CCL28: variants seen among roughly 807,000 people sequenced by gnomAD.
CCL28 encodes C-C motif chemokine ligand 28.
Under a neutral mutation model 7.1 loss-of-function variants are expected in CCL28, and 4 were observed. The ratio of observed to expected loss-of-function variants is 0.56; its 90% CI spans 0.28 to 1.29. CCL28 has a LOEUF of 1.29. Ranked by LOEUF, CCL28 falls within the 50% of genes most tolerant of loss-of-function variation. CCL28 has a pLI of 0.11. For synonymous variants in CCL28, 55 were observed against 57.8 expected, an observed-to-expected ratio of 0.95 and a Z score of 0.22; for missense variants, 151 against 163.4, an observed-to-expected ratio of 0.92 and a Z score of 0.41.
chr5:43,395,855 C>CTTTT (rs35785846), intron 1 of CCL28, among the ~76,000 whole-genome samples: 62 of 94,238 alleles, frequency 6.6e-4, no homozygotes, highest in African/African-American at 9.2e-4. Context: ...TACCCCCCGC[C>CTTTT]TTTTTTTTTT....
At chr5:43,371,314 G>A in the CCL28 span, among the ~76,000 whole-genome samples, 2 of 152,120 alleles carry the variant, frequency 1.3e-5, no homozygotes, top group African/African-American at 4.8e-5. Context: ...GAAACGTGTG[G>A]AATGGATGAT....
At chr5:43,400,596 C>T (rs1031230530) in intron 1 of CCL28, among the ~76,000 whole-genome samples, 2 of 152,070 alleles carry the variant, frequency 1.3e-5, no homozygotes, top group African/African-American at 4.8e-5. Context: ...CCCAGAGCCA[C>T]AACAATGGCA....
intron 1 of CCL28, among the ~76,000 whole-genome samples, chr5:43,405,265 A>T (rs572705617): frequency 7.2e-5 from 11 of 152,360 alleles, no homozygotes; most frequent in African/African-American, 2.6e-4. Context: ...CTGCTCTGCA[A>T]ATGTAAAAGA....
At chr5:43,385,341 A>G (rs1034039390) in intron 2 of CCL28, among the ~76,000 whole-genome samples, 1 of 152,232 alleles carries the variant, frequency 6.6e-6, no homozygotes, top group Admixed American at 6.5e-5. Context: ...AAAACATAGG[A>G]CCTATTTCTA....
At chr5:43,382,842 G>T (rs1044647516) in intron 2 of CCL28, among the ~76,000 whole-genome samples, 10 of 151,928 alleles carry the variant, frequency 6.6e-5, no homozygotes, top group African/African-American at 2.4e-4. Context: ...TGGTGAGATG[G>T]AGTTTTGCTC....
intron 1 of CCL28, among the ~76,000 whole-genome samples, chr5:43,406,491 C>G (rs548231615): frequency 6.6e-6 from 1 of 152,226 alleles, no homozygotes. Flanking sequence ...ATTGATGGGA[C>G]GTATCTCCAA....
chr5:43,407,856 A>AAGACATTTCTGAAAAGT (rs1741357422), intron 1 of CCL28, among the ~76,000 whole-genome samples: 1 of 152,258 alleles, frequency 6.6e-6, no homozygotes, highest in African/African-American at 2.4e-5. Flanking sequence ...TTCTGAAAAG[A>AAGACATTTCTGAAAAGT]AGACATTTAT....
intron 1 of CCL28, among the ~76,000 whole-genome samples, chr5:43,401,007 T>C (rs921517082): frequency 4.7e-5 from 7 of 148,148 alleles, no homozygotes; most frequent in East Asian, 2.0e-4. Context: ...CACTTGAACC[T>C]GGGAGGCAGA....
chr5:43,402,501 G>A (rs989488701), intron 1 of CCL28, among the ~76,000 whole-genome samples: 7 of 152,224 alleles, frequency 4.6e-5, no homozygotes, highest in Non-Finnish European at 1.0e-4. Flanking sequence ...AAGACAATAT[G>A]TAGATTGTGA....
At chr5:43,361,989 G>A in the CCL28 span, among the ~76,000 whole-genome samples, 255 of 151,822 alleles carry the variant, frequency 1.7e-3, no homozygotes, top group Non-Finnish European at 2.7e-3. Context: ...GCTCTTTTTC[G>A]GTTCCATATG....
the CCL28 span, among the ~76,000 whole-genome samples, chr5:43,366,624 C>T: frequency 2.0e-4 from 31 of 152,194 alleles, no homozygotes; most frequent in Non-Finnish European, 4.4e-4. Flanking sequence ...GCATGGGGGT[C>T]AGGGACCCAC....
the CCL28 span, among the ~76,000 whole-genome samples, chr5:43,363,322 C>T: frequency 6.6e-6 from 1 of 152,260 alleles, no homozygotes; most frequent in Non-Finnish European, 1.5e-5. Context: ...GGCTAGGCAC[C>T]AGGAATACAA....
rs748190981 is a variant in CCL28, at chr5:43,412,341, C to T, written c.-25G>A. 2 of 1,604,874 alleles carry T rather than the reference C, an allele frequency of 1.2e-6. No homozygotes were observed. The highest frequency in any genetic ancestry group is 2.2e-5 in the South Asian group (2 of 89,966). On this transcript the variant is annotated 5_prime_UTR_variant, in exon 1 of 3. Coordinates refer to ENST00000361115, the MANE Select transcript of CCL28 (RefSeq NM_148672.3). The stretch of plus-strand genomic sequence containing the variant: ...TTCCTGCCTGCCCTACTGGCACTGA[C>T]AGCAACACAAGTGAGGCTGTTCGAT...
Position 43,388,455 on chromosome 5 carries a change from C to G in CCL28, c.86G>C (p.Ser29Thr), listed in dbSNP as rs1216181782. The change falls in exon 2 of 3, where the codon AGC (serine) becomes ACC (threonine). Residue 29 changes from serine to threonine, a missense_variant. Physicochemically the swap from Ser to Thr is moderately conservative, Grantham distance 58. Coordinates refer to ENST00000361115, the MANE Select transcript of CCL28 (RefSeq NM_148672.3). ...ATGATGTGAAACCTCCGTGCAACAG[C>G]TGGAGGCAATGGGAAGTATGGCTAA... Reference protein sequence around the residue: ...ASEAILPIASSCCTEVSHHIS... With the variant: ...ASEAILPIASTCCTEVSHHIS... 6.2e-7 allele frequency: 1 copy of G among 1,613,810 alleles called. No homozygotes were observed. Among genetic ancestry groups the G allele is most frequent in the Non-Finnish European group, 8.5e-7 (1 of 1,179,976 alleles).
At chr5:43,377,575 T>C (rs1195856234), downstream of CCL28, 1 of 150,782 alleles carries the variant, frequency 6.6e-6, no homozygotes, top group Non-Finnish European at 1.5e-5. Flanking sequence ...AAGTATATTA[T>C]TGAAAGTTAC....
chr5:43,389,830 C>T (rs968344699), intron 1 of CCL28, among the ~76,000 whole-genome samples: 1 of 152,054 alleles, frequency 6.6e-6, no homozygotes, highest in Admixed American at 6.5e-5. Flanking sequence ...CCAGAGGAAG[C>T]AGAAAATATA....
the CCL28 span, among the ~76,000 whole-genome samples, chr5:43,359,434 C>T: frequency 2.0e-5 from 3 of 152,228 alleles, no homozygotes; most frequent in Admixed American, 6.5e-5. Context: ...ACAGATCTCT[C>T]GTGCTATTGT....
intron 2 of CCL28, among the ~76,000 whole-genome samples, chr5:43,384,749 T>C (rs1351540790): frequency 6.6e-6 from 1 of 152,092 alleles, no homozygotes; most frequent in Non-Finnish European, 1.5e-5. Context: ...TAAACTTTAT[T>C]TCTTTACCCA....
the CCL28 span, among the ~76,000 whole-genome samples, chr5:43,368,397 C>A: frequency 1.3e-4 from 20 of 152,254 alleles, no homozygotes; most frequent in Middle Eastern, 6.8e-3. Context: ...CAGCTAAGAA[C>A]TATATTTCCT....
Sources: allele counts gnomAD v4.1 joint callset (sites outside exome capture counted in the v4.1 genomes callset), GRCh38; gene constraint gnomAD v4.1.1; transcripts MANE v1.5; gene names NCBI Gene and HGNC (gene_info 2026-07-23, HGNC 2026-07-21).